PTPN11: variants seen among roughly 807,000 people sequenced by gnomAD.
PTPN11 encodes protein tyrosine phosphatase non-receptor type 11.
PTPN11 carries 6 observed loss-of-function variants against 78.8 expected under a neutral mutation model. The ratio of observed to expected loss-of-function variants is 0.08; its 90% CI spans 0.04 to 0.15. The LOEUF (loss-of-function observed/expected upper bound fraction) is 0.15. Ranked by LOEUF, PTPN11 falls within the 10% of genes least tolerant of loss-of-function variation. The pLI, the probability that PTPN11 is intolerant of heterozygous loss-of-function variation, is 1.00. For synonymous variants in PTPN11, 221 were observed against 263.5 expected (o/e 0.84, Z 1.56); for missense variants, 386 against 744.8 (o/e 0.52, Z 5.61).
chr12:112,448,436 C>CG (rs373492048), intron 2 of PTPN11, among the ~76,000 whole-genome samples: 468 of 151,792 alleles, frequency 3.1e-3, no homozygotes, highest in Non-Finnish European at 5.9e-3. Flanking sequence ...AGGCTAATCT[C>CG]CAACTCTTGG....
chr12:112,434,405 C>T (rs2037758026), intron 1 of PTPN11, among the ~76,000 whole-genome samples: 1 of 151,994 alleles, frequency 6.6e-6, no homozygotes. Context: ...ATCAAGAGAT[C>T]AAGACCATCC....
intron 10 of PTPN11, among the ~76,000 whole-genome samples, chr12:112,484,605 G>C (rs1203471442): frequency 6.6e-6 from 1 of 152,182 alleles, no homozygotes; most frequent in African/African-American, 2.4e-5. Flanking sequence ...TGTGGCCCAG[G>C]GTGGGATGTT....
chr12:112,429,032 C>T (rs1479277166), intron 1 of PTPN11, among the ~76,000 whole-genome samples: 1 of 152,192 alleles, frequency 6.6e-6, no homozygotes, highest in Non-Finnish European at 1.5e-5. Flanking sequence ...CAGGCGTGAG[C>T]CACCGCGTCC....
At chr12:112,459,033 A>C (rs574639874) in intron 6 of PTPN11, among the ~76,000 whole-genome samples, 107 of 64,508 alleles carry the variant, frequency 1.7e-3, no homozygotes, top group Admixed American at 2.6e-3. Context: ...AACCTGTCCC[A>C]AAAAAAAAAA....
At chr12:112,485,675 G>A (rs1316507788) in intron 10 of PTPN11, among the ~76,000 whole-genome samples, 1 of 151,974 alleles carries the variant, frequency 6.6e-6, no homozygotes, top group Non-Finnish European at 1.5e-5. Flanking sequence ...TTAAATATAA[G>A]TTTAAAATAG....
chr12:112,471,451 A>C (rs2038414600), intron 6 of PTPN11, among the ~76,000 whole-genome samples: 1 of 136,570 alleles, frequency 7.3e-6, no homozygotes, highest in Non-Finnish European at 1.5e-5. Context: ...TATGATAAAC[A>C]GAAAGAGAGA....
At chr12:112,465,494 G>GC (rs1006287520) in intron 6 of PTPN11, among the ~76,000 whole-genome samples, 6 of 151,870 alleles carry the variant, frequency 4.0e-5, no homozygotes, top group African/African-American at 1.5e-4. Context: ...GGCCTGAGCT[G>GC]CCAGGGGGTA....
chr12:112,455,100 G>A (rs1288620643), intron 5 of PTPN11, among the ~76,000 whole-genome samples: 1 of 151,888 alleles, frequency 6.6e-6, no homozygotes, highest in Non-Finnish European at 1.5e-5. Context: ...GATTACAGGC[G>A]TGAGCTACCA....
chr12:112,425,535 G>T (rs942059611), intron 1 of PTPN11, among the ~76,000 whole-genome samples: 3 of 152,096 alleles, frequency 2.0e-5, no homozygotes, highest in Non-Finnish European at 4.4e-5. Context: ...ATGTATACAA[G>T]AAACTGAAAT....
chr12:112,434,421 A>T (rs1172753079), intron 1 of PTPN11, among the ~76,000 whole-genome samples: 1 of 152,084 alleles, frequency 6.6e-6, no homozygotes, highest in Non-Finnish European at 1.5e-5. Flanking sequence ...CATCCTGGCC[A>T]ACATGGTGAA....
chr12:112,448,236 A>C (rs2038023888), intron 2 of PTPN11, among the ~76,000 whole-genome samples: 2 of 146,244 alleles, frequency 1.4e-5, no homozygotes, highest in South Asian at 2.1e-4. Context: ...TTTTTGAGAC[A>C]ATCTTGCTCT....
chr12:112,422,797 C>T (rs1594123307), intron 1 of PTPN11, among the ~76,000 whole-genome samples: 2 of 152,160 alleles, frequency 1.3e-5, no homozygotes, highest in Admixed American at 6.6e-5. Flanking sequence ...ACTTACCCCT[C>T]GTGTCCATGG....
rs1298197999 is a variant in PTPN11 at position 112,418,972 on chromosome 12, G to C, written c.-140G>C. 1.9e-6 allele frequency: 2 copies of C among 1,026,400 alleles called. No homozygotes were observed. Among genetic ancestry groups the C allele is most frequent in the East Asian group, 2.8e-5 (1 of 35,290 alleles). The allele number at this position is 1,026,400 out of a possible 1,614,324, so 63.6% of individuals were successfully genotyped here. On this transcript the variant is annotated 5_prime_UTR_variant, in exon 1 of 16. Coordinates refer to ENST00000351677, the MANE Select transcript of PTPN11 (RefSeq NM_002834.5). The stretch of plus-strand genomic sequence containing the variant: ...AGTCTCCGGGATCCCCAGGCCTGGA[G>C]GGGGGTCTGTGCGCGGCCGGCTGGC...
intron 13 of PTPN11, among the ~76,000 whole-genome samples, chr12:112,493,062 C>CTT (rs201075832): frequency 2.8e-5 from 4 of 143,270 alleles, no homozygotes; most frequent in Admixed American, 7.1e-5. Flanking sequence ...ATCTCAGTTA[C>CTT]TTTTTTTTTT....
At chr12:112,453,488 TTTTA>T (rs141468112) in intron 4 of PTPN11, 101 bp downstream of exon 4, 1,029 of 867,856 alleles carry the variant, frequency 1.2e-3, no homozygotes, top group Middle Eastern at 2.4e-3. Flanking sequence ...TCAGATTGTC[TTTTA>T]TTTATTTATT....
chr12:112,452,666 T>G (rs1433158537), intron 3 of PTPN11, among the ~76,000 whole-genome samples: 1 of 152,200 alleles, frequency 6.6e-6, no homozygotes, highest in Non-Finnish European at 1.5e-5. Context: ...TAGCTGGGAT[T>G]ACAGGCAGTT....
Position 112,450,244 on chromosome 12 carries a change from G to A in PTPN11, c.138-74G>A, listed in dbSNP as rs1050511779. 1.6e-5 allele frequency: 22 copies of A among 1,367,306 alleles called. No individual in the cohort carries two copies. The African/African-American group carries it at 2.7e-4, about 17-fold the overall frequency. The allele number at this position is 1,367,306 out of a possible 1,614,324, so 84.7% of individuals were successfully genotyped here. A position where few individuals can be genotyped will look rare whatever the true frequency, so the allele number is the denominator to read the frequency against. ...CAACACTTAGGTAAAATCCGACGTG[G>A]AAGATGAGATCTGATTTTACTGGTG... On this transcript the variant is annotated intron_variant, in intron 2 of 15. Coordinates refer to ENST00000351677, the MANE Select transcript of PTPN11 (RefSeq NM_002834.5).
At chr12:112,457,199 A>G in intron 6 of PTPN11, 1 of 382,866 alleles carries the variant, frequency 2.6e-6, no homozygotes, top group Non-Finnish European at 5.1e-6. Flanking sequence ...ACTTGAATCC[A>G]GGAGTTTGCC....
Position 112,491,356 on chromosome 12 carries a change from C to T in PTPN11, c.1599+2181C>T, listed in dbSNP as rs1337778724. Among the ~76,000 whole-genome samples, 3 of 151,212 alleles carry T rather than the reference C, an allele frequency of 2.0e-5. 1 individual carries two copies. The highest frequency in any genetic ancestry group is 7.3e-5 in the African/African-American group (3 of 41,178). Reference sequence around the variant, plus strand: ...GCTTTCCTGACTGTTAACTTTTTAGCACACTTAACTTTATCATTCGTTTAT... The same window carrying T: ...GCTTTCCTGACTGTTAACTTTTTAGTACACTTAACTTTATCATTCGTTTAT... On this transcript the variant is annotated intron_variant, in intron 13 of 15. Coordinates refer to ENST00000351677, the MANE Select transcript of PTPN11 (RefSeq NM_002834.5).
Sources: gnomAD v4.1 joint callset for allele counts (sites outside exome capture counted in the v4.1 genomes callset) on GRCh38, gnomAD v4.1.1 for gene constraint, MANE v1.5 for transcripts, NCBI Gene and HGNC (gene_info 2026-07-23, HGNC 2026-07-21) for gene names.